The following GALNT12 variants were observed in gnomAD, a reference collection of about 807,000 sequenced individuals.
GALNT12 encodes UDP-GalNAc:polypeptide N-acetylgalactosaminyltransferase 12.
A neutral mutation model predicts 55.5 loss-of-function variants in GALNT12; 45 were observed. That is an observed-to-expected ratio of 0.81 (90% CI 0.64 to 1.04). The LOEUF (loss-of-function observed/expected upper bound fraction) is 1.04, where lower values mean the gene tolerates loss of function less well. Among genes scored for constraint, GALNT12 ranks in the 50% least tolerant of loss-of-function variants. The pLI is 0.00. For missense variants in GALNT12, 709 were observed against 754.8 expected, an observed-to-expected ratio of 0.94 and a Z score of 0.71; for synonymous variants, 304 against 312.2, an observed-to-expected ratio of 0.97 and a Z score of 0.28.
intron 1 of GALNT12, 72 bp from the exon 2 acceptor site, chr9:98,823,184 C>A: frequency 7.3e-7 from 1 of 1,376,836 alleles, no homozygotes; most frequent in Non-Finnish European, 1.0e-6. Context: ...GACCTATGTC[C>A]CCTTTGTCAC....
chr9:98,822,894 C>G (rs1030861678), intron 1 of GALNT12, among the ~76,000 whole-genome samples: 1 of 152,150 alleles, frequency 6.6e-6, no homozygotes, highest in Non-Finnish European at 1.5e-5. Flanking sequence ...GCAGAGGGAA[C>G]AGTCTGAGCA....
chr9:98,842,103 T>C (rs1463108770), intron 7 of GALNT12, among the ~76,000 whole-genome samples: 1 of 152,186 alleles, frequency 6.6e-6, no homozygotes, highest in Non-Finnish European at 1.5e-5. Flanking sequence ...ATTGTTTTTT[T>C]TGGCTTTTTC....
chr9:98,849,606 A>G lies in GALNT12; in HGVS notation c.*514A>G, dbSNP rs1486749562. ...CTAGGAACATTGTATTGATTTATTCAGGTCATTGAGATCTTCTAGATGTAT... is the reference window on the plus strand; with the variant it reads ...CTAGGAACATTGTATTGATTTATTCGGGTCATTGAGATCTTCTAGATGTAT... On this transcript the variant is annotated 3_prime_UTR_variant, in exon 10 of 10. Transcript: ENST00000375011. The G allele has an allele frequency of 1.2e-5, 5 of 418,368 alleles. No individual in the cohort carries two copies. The highest frequency in any genetic ancestry group is 1.7e-5 in the Non-Finnish European group (4 of 237,422). The allele number at this position is 418,368 out of a possible 1,614,324, so 25.9% of individuals were successfully genotyped here.
rs113650220 is a variant in GALNT12, at chr9:98,818,383, C to T, written c.372-4873C>T. 1.8e-3 allele frequency among the ~76,000 whole-genome samples: 281 copies of T among 152,156 alleles called. 1 individual carries two copies. Among genetic ancestry groups the T allele is most frequent in the Admixed American group, 2.9e-3 (45 of 15,264 alleles). On this transcript the variant is annotated intron_variant, in intron 1 of 9. Transcript: ENST00000375011. ...GATTACAGGCAGGCGCCGCCATGCCCGGCTAATTTTTTTGTATTTTTAGTA... is the reference window on the plus strand; with the variant it reads ...GATTACAGGCAGGCGCCGCCATGCCTGGCTAATTTTTTTGTATTTTTAGTA...
intron 5 of GALNT12, among the ~76,000 whole-genome samples, 160 bp from the exon 6 acceptor site, chr9:98,836,812 C>T (rs1439222745): frequency 6.6e-6 from 1 of 152,156 alleles, no homozygotes; most frequent in Non-Finnish European, 1.5e-5. Flanking sequence ...CATTCTGTGT[C>T]ATGAGTGTGC....
intron 2 of GALNT12, among the ~76,000 whole-genome samples, chr9:98,823,938 G>A (rs539554722): frequency 2.0e-5 from 3 of 152,314 alleles, no homozygotes; most frequent in South Asian, 4.1e-4. Flanking sequence ...CAGTGCCAAC[G>A]GAGTAGCATC....
At chr9:98,839,291 C>CTTA (rs1216638050) in intron 6 of GALNT12, among the ~76,000 whole-genome samples, 1 of 152,204 alleles carries the variant, frequency 6.6e-6, no homozygotes, top group Non-Finnish European at 1.5e-5. Context: ...CAAACATGTA[C>CTTA]TTATTATTAC....
intron 2 of GALNT12, 84 bp from the exon 3 acceptor site, chr9:98,826,668 G>A (rs1265393374): frequency 3.8e-6 from 5 of 1,317,876 alleles, no homozygotes; most frequent in Non-Finnish European, 5.3e-6. Flanking sequence ...TTTGGGACAG[G>A]GAGGCCCAGA....
intron 8 of GALNT12, among the ~76,000 whole-genome samples, chr9:98,845,326 G>A (rs1411526782): frequency 6.6e-6 from 1 of 152,136 alleles, no homozygotes; most frequent in Non-Finnish European, 1.5e-5. Flanking sequence ...TGGTGGGGTG[G>A]GTGGGTGTCT....
chr9:98,837,210 G>A (rs1836177048), intron 6 of GALNT12, 62 bp downstream of exon 6: 5 of 1,526,714 alleles, frequency 3.3e-6, no homozygotes, highest in Middle Eastern at 1.7e-4. Context: ...AGCTAATCGT[G>A]GCTTCCCCAA....
At chr9:98,830,092 C>T (rs945784492) in intron 3 of GALNT12, among the ~76,000 whole-genome samples, 7 of 152,184 alleles carry the variant, frequency 4.6e-5, no homozygotes, top group Non-Finnish European at 8.8e-5. Context: ...TTCCCACCAA[C>T]GGTGTGTGAG....
chr9:98,849,181 A>G lies in GALNT12; in HGVS notation c.*89A>G. 1 of 1,362,472 alleles carries G rather than the reference A, an allele frequency of 7.3e-7. No homozygotes were observed. Among genetic ancestry groups the G allele is most frequent in the Non-Finnish European group, 1.0e-6 (1 of 956,570 alleles). The allele number at this position is 1,362,472 out of a possible 1,614,324, so 84.4% of individuals were successfully genotyped here. A position where few individuals can be genotyped will look rare whatever the true frequency, so the allele number is the denominator to read the frequency against. Reference sequence around the variant, plus strand: ...CTTAGCTAAGCAGTGACCAGAACCCACCAAAAACTAGGCTGCATTGCTTTG... The same window carrying G: ...CTTAGCTAAGCAGTGACCAGAACCCGCCAAAAACTAGGCTGCATTGCTTTG... On this transcript the variant is annotated 3_prime_UTR_variant, in exon 10 of 10. Coordinates refer to ENST00000375011, the MANE Select transcript of GALNT12 (RefSeq NM_024642.5).
intron 3 of GALNT12, among the ~76,000 whole-genome samples, chr9:98,829,403 G>T (rs1029481434): frequency 2.6e-5 from 4 of 151,158 alleles, no homozygotes; most frequent in Admixed American, 2.6e-4. Flanking sequence ...TGGCCAGGCT[G>T]GTGTAAAACT....
intron 2 of GALNT12, 26 bp downstream of exon 2, chr9:98,823,451 A>G (rs955730120): frequency 3.3e-5 from 53 of 1,606,428 alleles, no homozygotes; most frequent in Non-Finnish European, 4.3e-5. Flanking sequence ...GGCTCTGGGA[A>G]GAGCCTGTCC....
At chr9:98,825,735 G>A (rs1216644645) in intron 2 of GALNT12, among the ~76,000 whole-genome samples, 1 of 152,162 alleles carries the variant, frequency 6.6e-6, no homozygotes, top group Non-Finnish European at 1.5e-5. Flanking sequence ...AGCACTTTGG[G>A]AGGCCAAGGT....
intron 1 of GALNT12, among the ~76,000 whole-genome samples, chr9:98,809,129 C>G (rs1835439876): frequency 6.6e-6 from 1 of 152,202 alleles, no homozygotes; most frequent in Non-Finnish European, 1.5e-5. Context: ...GCCCTTCTGG[C>G]CCACTTGGCA....
chr9:98,821,787 A>G (rs1564250522), intron 1 of GALNT12, among the ~76,000 whole-genome samples: 3 of 151,966 alleles, frequency 2.0e-5, no homozygotes, highest in African/African-American at 7.2e-5. Flanking sequence ...TACCTGTCCT[A>G]TAGTTGCTCT....
chr9:98,848,643 A>G (rs1307879568), intron 9 of GALNT12: 1 of 412,066 alleles, frequency 2.4e-6, no homozygotes, highest in Admixed American at 3.6e-5. Context: ...AGAGATAAAC[A>G]AAGGATCTTT....
At chr9:98,835,924 C>T (rs113376811) in intron 5 of GALNT12, among the ~76,000 whole-genome samples, 2,652 of 152,156 alleles carry the variant, frequency 0.017, 66 homozygotes, top group African/African-American at 0.06. Flanking sequence ...TTAGTATAGA[C>T]GAGGTTTCAC....
Sources: allele counts gnomAD v4.1 joint callset (sites outside exome capture counted in the v4.1 genomes callset), GRCh38; gene constraint gnomAD v4.1.1; transcripts MANE v1.5; gene names NCBI Gene and HGNC (gene_info 2026-07-23, HGNC 2026-07-21).